Variants in XRCC4 observed in about 807,000 individuals in gnomAD.
The protein encoded by XRCC4 is X-ray repair cross complementing 4, also known as DNA repair protein XRCC4.
A neutral mutation model predicts 39.1 loss-of-function variants in XRCC4; 28 were observed. The observed-to-expected ratio is 0.72, with a 90% CI of 0.53 to 0.98. The LOEUF (loss-of-function observed/expected upper bound fraction) is 0.98, where lower values mean the gene tolerates loss of function less well. Among genes scored for constraint, XRCC4 ranks in the 50% least tolerant of loss-of-function variants. The pLI is 0.00. For missense variants in XRCC4, 350 were observed against 376.4 expected (o/e 0.93, Z 0.58); for synonymous variants, 123 against 126.4 (o/e 0.97, Z 0.18).
At chr5:83,161,770 T>A in intron 3 of XRCC4, among the ~76,000 whole-genome samples, 1 of 152,240 alleles carries the variant, frequency 6.6e-6, no homozygotes, top group East Asian at 1.9e-4. Flanking sequence ...CATTTTTATC[T>A]TGTCCTTGAA....
chr5:83,306,622 T>C (rs576830425), intron 7 of XRCC4, among the ~76,000 whole-genome samples: 1 of 152,368 alleles, frequency 6.6e-6, no homozygotes, highest in East Asian at 1.9e-4. Flanking sequence ...CCATTGTTGT[T>C]TGATAATTTG....
At chr5:83,287,064 T>C (rs888587709) in intron 7 of XRCC4, among the ~76,000 whole-genome samples, 2 of 152,092 alleles carry the variant, frequency 1.3e-5, no homozygotes, top group Non-Finnish European at 2.9e-5. Context: ...GTTGTGTATC[T>C]AGGATTTGTT....
At chr5:83,157,105 T>C (rs1413435419) in intron 3 of XRCC4, among the ~76,000 whole-genome samples, 1 of 152,116 alleles carries the variant, frequency 6.6e-6, no homozygotes, top group Non-Finnish European at 1.5e-5. Flanking sequence ...AATGAAAGTC[T>C]GCATAATTAA....
At chr5:83,237,932 T>G (rs1049389674) in intron 6 of XRCC4, among the ~76,000 whole-genome samples, 4 of 152,108 alleles carry the variant, frequency 2.6e-5, no homozygotes, top group African/African-American at 9.7e-5. Context: ...TCAAAAAAAT[T>G]TAAATAAAAT....
In XRCC4 at chr5:83,241,072, C is replaced by T. The variant is rs28360203; in HGVS notation, c.746-17458C>T. On this transcript the variant is annotated intron_variant, in intron 6 of 7. Coordinates refer to ENST00000396027, the MANE Select transcript of XRCC4 (RefSeq NM_003401.5). The stretch of plus-strand genomic sequence containing the variant: ...CGAACATGGCAAAACTCTGTTTCTA[C>T]TAAAAATACAAAAATTGGCAAGGCG... Among the ~76,000 whole-genome samples the T allele has an allele frequency of 2.8e-3, 431 of 151,990 alleles. 11 individuals carry two copies. The East Asian group carries it at 0.072, about 25-fold the overall frequency.
At position 83,132,806 on chromosome 5, in the gene XRCC4, C is replaced by T. The variant is rs1269186788; in HGVS notation, c.315+21603C>T. Among the ~76,000 whole-genome samples the T allele has an allele frequency of 2.0e-5, 3 of 152,050 alleles. No individual in the cohort carries two copies. The East Asian group carries it at 5.8e-4, about 29-fold the overall frequency. ...TCTCATCTTTTTTCAAGGTTATTAGCTTCTTTTCAATGGATTCAAACATCC... is the reference window on the plus strand; with the variant it reads ...TCTCATCTTTTTTCAAGGTTATTAGTTTCTTTTCAATGGATTCAAACATCC... On this transcript the variant is annotated intron_variant, in intron 3 of 7. Transcript: ENST00000396027.
intron 6 of XRCC4, among the ~76,000 whole-genome samples, chr5:83,206,768 A>G (rs1038633888): frequency 1.3e-5 from 2 of 152,176 alleles, no homozygotes; most frequent in Non-Finnish European, 2.9e-5. Context: ...AGGAAAAACT[A>G]CTGGAAATCT....
chr5:83,278,433 A>G (rs1055123275), intron 7 of XRCC4, among the ~76,000 whole-genome samples: 2 of 152,166 alleles, frequency 1.3e-5, no homozygotes, highest in Non-Finnish European at 2.9e-5. Flanking sequence ...TCATTTATAG[A>G]TAATAGAAAT....
intron 3 of XRCC4, among the ~76,000 whole-genome samples, chr5:83,113,592 A>G (rs912954341): frequency 6.6e-6 from 1 of 151,488 alleles, no homozygotes; most frequent in Non-Finnish European, 1.5e-5. Context: ...CCCTGCAGCA[A>G]ACTTCTGCCT....
At chr5:83,088,062 A>T (rs1388161027) in intron 1 of XRCC4, among the ~76,000 whole-genome samples, 1 of 152,184 alleles carries the variant, frequency 6.6e-6, no homozygotes, top group Non-Finnish European at 1.5e-5. Context: ...TTTTCTGAAC[A>T]TTGGATTCCT....
chr5:83,081,303 A>G (rs931468827), intron 1 of XRCC4, among the ~76,000 whole-genome samples: 14 of 152,180 alleles, frequency 9.2e-5, no homozygotes, highest in Admixed American at 2.6e-4. Flanking sequence ...TGTTATTCAC[A>G]TATATTGAAA....
At chr5:83,297,487 CT>C (rs1217244815) in intron 7 of XRCC4, among the ~76,000 whole-genome samples, 2 of 151,842 alleles carry the variant, frequency 1.3e-5, no homozygotes, top group Non-Finnish European at 2.9e-5. Flanking sequence ...AACATTTTCT[CT>C]TGAGTTTTCT....
intron 6 of XRCC4, among the ~76,000 whole-genome samples, chr5:83,206,674 G>GT (rs1395642339): frequency 6.6e-6 from 1 of 152,090 alleles, no homozygotes; most frequent in Non-Finnish European, 1.5e-5. Flanking sequence ...TTTGTTTGTT[G>GT]TTTTTAAATA....
intron 6 of XRCC4, among the ~76,000 whole-genome samples, chr5:83,206,054 G>A (rs1373861473): frequency 6.6e-6 from 1 of 151,670 alleles, no homozygotes; most frequent in Non-Finnish European, 1.5e-5. Context: ...AGAGATGATG[G>A]GACCTCATCA....
chr5:83,113,627 T>C lies in XRCC4; in HGVS notation c.315+2424T>C, dbSNP rs566173570. 1.0e-3 allele frequency among the ~76,000 whole-genome samples: 152 copies of C among 151,812 alleles called. No homozygotes were observed. In the Middle Eastern group the frequency reaches 0.014, roughly 14 times the overall value. On this transcript the variant is annotated intron_variant, in intron 3 of 7. Coordinates refer to ENST00000396027, the MANE Select transcript of XRCC4 (RefSeq NM_003401.5). ...TGGACATCCAAACATTTCTTTCTTT[T>C]TTTTTTTTTTTGAGACGGAGTCTCG...
At chr5:83,195,675 CT>C (rs1174296830) in intron 3 of XRCC4, 94 bp from the exon 4 acceptor site, 1 of 1,211,326 alleles carries the variant, frequency 8.3e-7, no homozygotes. Context: ...CCTTCTTACA[CT>C]TTTTTATTCT....
the XRCC4 span, among the ~76,000 whole-genome samples, chr5:83,373,103 G>A: frequency 1.3e-5 from 2 of 151,862 alleles, no homozygotes; most frequent in African/African-American, 4.8e-5. Context: ...AAAAAAGGGA[G>A]GCGGAAATCT....
chr5:83,098,161 G>A (rs2112345070), intron 1 of XRCC4, among the ~76,000 whole-genome samples: 1 of 152,184 alleles, frequency 6.6e-6, no homozygotes, highest in South Asian at 2.1e-4. Context: ...GCATTCCACA[G>A]TCATGAGAGG....
intron 6 of XRCC4, among the ~76,000 whole-genome samples, chr5:83,224,545 T>C (rs1378499239): frequency 6.6e-6 from 1 of 152,204 alleles, no homozygotes; most frequent in Non-Finnish European, 1.5e-5. Flanking sequence ...AATTGATTTA[T>C]CCAGCGGCAC....
Sources: gnomAD v4.1 joint callset for allele counts (sites outside exome capture counted in the v4.1 genomes callset) on GRCh38, gnomAD v4.1.1 for gene constraint, MANE v1.5 for transcripts, NCBI Gene and HGNC (gene_info 2026-07-23, HGNC 2026-07-21) for gene names.